The following RAD51B variants were observed in gnomAD, a reference collection of about 807,000 sequenced individuals.
The protein encoded by RAD51B is DNA repair protein RAD51 homolog 2.
RAD51B carries 38 observed loss-of-function variants against 42.2 expected under a neutral mutation model. That is an observed-to-expected ratio of 0.90 (90% CI 0.70 to 1.18). RAD51B has a LOEUF of 1.18. Ranked by LOEUF, RAD51B falls within the 50% of genes most tolerant of loss-of-function variation. RAD51B has a pLI of 0.00. For missense variants in RAD51B, 373 were observed against 400.7 expected, an observed-to-expected ratio of 0.93 and a Z score of 0.59; for synonymous variants, 154 against 145.2, an observed-to-expected ratio of 1.06 and a Z score of -0.43.
downstream of RAD51B, among the ~76,000 whole-genome samples, chr14:68,598,395 CAG>C (rs1891087036): frequency 6.6e-6 from 1 of 152,172 alleles, no homozygotes; most frequent in Admixed American, 6.5e-5. Context: ...GAGATGTACT[CAG>C]GGAAAAGGAG....
chr14:68,592,581 G>A (rs1310803859), intron 10 of RAD51B, among the ~76,000 whole-genome samples: 3 of 152,160 alleles, frequency 2.0e-5, no homozygotes, highest in Admixed American at 6.5e-5. Context: ...AAGTGGCAGG[G>A]CCAGGATTAG....
chr14:68,656,224 GCCT>G (rs761230283), intron 11 of RAD51B, among the ~76,000 whole-genome samples: 1 of 152,124 alleles, frequency 6.6e-6, no homozygotes, highest in African/African-American at 2.4e-5. Context: ...GCAGCAGGCA[GCCT>G]CCTCCTCTGC....
At chr14:67,922,736 G>A (rs1286603483) in intron 7 of RAD51B, among the ~76,000 whole-genome samples, 3 of 150,588 alleles carry the variant, frequency 2.0e-5, no homozygotes, top group Non-Finnish European at 4.4e-5. Flanking sequence ...CTGTCGCGCG[G>A]CCTGGAGTGC....
chr14:68,322,966 T>C (rs3784108), intron 8 of RAD51B, among the ~76,000 whole-genome samples: 79,994 of 152,080 alleles, frequency 0.53, 22,781 homozygotes, highest in South Asian at 0.65. Flanking sequence ...TGTGTGGTGT[T>C]AATAACCTTG....
chr14:67,851,600 G>C (rs2041809904), intron 4 of RAD51B, among the ~76,000 whole-genome samples: 1 of 152,084 alleles, frequency 6.6e-6, no homozygotes, highest in Admixed American at 6.5e-5. Context: ...GGGGCAGCAG[G>C]GGTGGCCACG....
At chr14:67,987,024 G>A (rs369974132) in intron 7 of RAD51B, among the ~76,000 whole-genome samples, 4 of 152,226 alleles carry the variant, frequency 2.6e-5, no homozygotes, top group East Asian at 1.9e-4. Context: ...GAGCCACCAC[G>A]CCTGGCCCCC....
At chr14:68,265,999 G>A (rs2080984770) in intron 7 of RAD51B, among the ~76,000 whole-genome samples, 1 of 152,176 alleles carries the variant, frequency 6.6e-6, no homozygotes, top group Admixed American at 6.5e-5. Context: ...TGCATGCACT[G>A]GGTTTATAGA....
At chr14:67,950,202 G>A (rs1426526895) in intron 7 of RAD51B, among the ~76,000 whole-genome samples, 1 of 152,106 alleles carries the variant, frequency 6.6e-6, no homozygotes, top group Non-Finnish European at 1.5e-5. Context: ...AAAGTCTGAG[G>A]TGGCATTTTC....
At chr14:68,602,105 A>G (rs1369266145) in intron 10 of RAD51B, among the ~76,000 whole-genome samples, 1 of 151,820 alleles carries the variant, frequency 6.6e-6, no homozygotes, top group African/African-American at 2.4e-5. Context: ...TCTGCACTGT[A>G]TTTGACCTCT....
At chr14:67,993,978 A>G (rs1196464043) in intron 7 of RAD51B, among the ~76,000 whole-genome samples, 1 of 152,174 alleles carries the variant, frequency 6.6e-6, no homozygotes. Flanking sequence ...AGTATATATA[A>G]TAACAGCTGT....
downstream of RAD51B, among the ~76,000 whole-genome samples, chr14:68,598,127 G>C (rs1891078222): frequency 6.6e-6 from 1 of 152,142 alleles, no homozygotes; most frequent in African/African-American, 2.4e-5. Context: ...ACATAAAGAG[G>C]TGGTATCAGT....
At chr14:68,501,734 C>T (rs1485115789) in intron 10 of RAD51B, among the ~76,000 whole-genome samples, 1 of 152,268 alleles carries the variant, frequency 6.6e-6, no homozygotes, top group Non-Finnish European at 1.5e-5. Context: ...GCCCACTTCT[C>T]AAGATAGTGA....
At chr14:68,612,697 G>A (rs1193327765), downstream of RAD51B, among the ~76,000 whole-genome samples, 1 of 152,138 alleles carries the variant, frequency 6.6e-6, no homozygotes, top group African/African-American at 2.4e-5. Flanking sequence ...ATAGATAATG[G>A]TGATGGCTGG....
At chr14:68,620,383 T>G (rs1362488042) in intron 10 of RAD51B, among the ~76,000 whole-genome samples, 1 of 152,178 alleles carries the variant, frequency 6.6e-6, no homozygotes, top group Non-Finnish European at 1.5e-5. Flanking sequence ...GGGTAGCTGT[T>G]GTAATCTGAC....
chr14:68,014,732 C>A (rs2075746040), intron 7 of RAD51B, among the ~76,000 whole-genome samples: 1 of 145,044 alleles, frequency 6.9e-6, no homozygotes, highest in African/African-American at 2.7e-5. Context: ...ATGTAGGAAT[C>A]TAAGATAGAG....
chr14:68,430,052 G>A (rs980880100), intron 9 of RAD51B, among the ~76,000 whole-genome samples: 3 of 152,146 alleles, frequency 2.0e-5, no homozygotes, highest in African/African-American at 4.8e-5. Flanking sequence ...AAGATCAGAT[G>A]GTTGTAGATG....
At chr14:68,306,674 G>A (rs2081872789) in intron 8 of RAD51B, 1 of 511,050 alleles carries the variant, frequency 2.0e-6, no homozygotes, top group Admixed American at 2.0e-5. Flanking sequence ...TGTACCTAGA[G>A]TTTGTGACAA....
At chr14:68,172,222 G>A (rs1408478258) in intron 7 of RAD51B, among the ~76,000 whole-genome samples, 1 of 152,116 alleles carries the variant, frequency 6.6e-6, no homozygotes, top group Non-Finnish European at 1.5e-5. Flanking sequence ...TGAAAAGGTA[G>A]AGAAATCCTT....
chr14:68,598,118 C>T (rs1455164179), downstream of RAD51B, among the ~76,000 whole-genome samples: 1 of 152,158 alleles, frequency 6.6e-6, no homozygotes, highest in African/African-American at 2.4e-5. Flanking sequence ...GCTACTTCTA[C>T]ATAAAGAGGT....
Sources: gnomAD v4.1 joint callset for allele counts (sites outside exome capture counted in the v4.1 genomes callset) on GRCh38, gnomAD v4.1.1 for gene constraint, MANE v1.5 for transcripts, NCBI Gene and HGNC (gene_info 2026-07-23, HGNC 2026-07-21) for gene names.